Variants in HCN1 observed in about 807,000 individuals in gnomAD.
HCN1 encodes the protein hyperpolarization activated cyclic nucleotide gated potassium channel 1, also known as potassium/sodium hyperpolarization-activated cyclic nucleotide-gated channel 1.
A neutral mutation model predicts 78.9 loss-of-function variants in HCN1; 13 were observed. That is an observed-to-expected ratio of 0.16 (90% CI 0.11 to 0.26). HCN1 has a LOEUF of 0.26. Among genes scored for constraint, HCN1 ranks in the 10% least tolerant of loss-of-function variants. HCN1 has a pLI of 1.00. For missense variants in HCN1, 810 were observed against 1,154.3 expected, an observed-to-expected ratio of 0.70 and a Z score of 4.32; for synonymous variants, 552 against 455.5, an observed-to-expected ratio of 1.21 and a Z score of -2.70.
At chr5:45,536,890 G>A (rs577060773) in intron 2 of HCN1, among the ~76,000 whole-genome samples, 7 of 152,264 alleles carry the variant, frequency 4.6e-5, no homozygotes, top group Non-Finnish European at 1.0e-4. Flanking sequence ...AGGTAAAGTC[G>A]CCAATCAGTT....
At chr5:45,643,997 G>A (rs1013983018) in intron 2 of HCN1, 2 of 152,020 alleles carry the variant, frequency 1.3e-5, no homozygotes, top group South Asian at 2.1e-4. Context: ...TTTTAAGAAT[G>A]ATCCATTTTT....
chr5:45,596,797 T>C (rs1291935518), intron 2 of HCN1, among the ~76,000 whole-genome samples: 4 of 152,308 alleles, frequency 2.6e-5, no homozygotes, highest in African/African-American at 9.6e-5. Flanking sequence ...AAAGGAACAG[T>C]TGCTGACTGA....
At chr5:45,379,574 C>T (rs772201582) in intron 4 of HCN1, among the ~76,000 whole-genome samples, 3 of 152,032 alleles carry the variant, frequency 2.0e-5, no homozygotes, top group Non-Finnish European at 4.4e-5. Context: ...ACACAAGATA[C>T]TTCCTTATTT....
At chr5:45,513,138 A>C (rs1742448854) in intron 2 of HCN1, among the ~76,000 whole-genome samples, 1 of 152,142 alleles carries the variant, frequency 6.6e-6, no homozygotes, top group Non-Finnish European at 1.5e-5. Context: ...AAACCCCTAG[A>C]TTTTGGCATT....
At chr5:45,343,712 T>C (rs1163879313) in intron 5 of HCN1, among the ~76,000 whole-genome samples, 1 of 152,108 alleles carries the variant, frequency 6.6e-6, no homozygotes, top group East Asian at 1.9e-4. Context: ...TTAGAGGAAA[T>C]GAACTTTAAG....
Position 45,347,235 on chromosome 5 carries a change from C to T in HCN1, c.1377+5865G>A, listed in dbSNP as rs563309948. ...AAAATCTGCTGTTCTGCAGCCACCGCTGCTGATACCCAGGCAAACAAGGTC... is the reference window on the plus strand; with the variant it reads ...AAAATCTGCTGTTCTGCAGCCACCGTTGCTGATACCCAGGCAAACAAGGTC... On this transcript the variant is annotated intron_variant, in intron 5 of 7. Transcript: ENST00000303230. Among the ~76,000 whole-genome samples the T allele has an allele frequency of 5.9e-5, 9 of 152,328 alleles. No individual in the cohort carries two copies. In the South Asian group the frequency reaches 1.7e-3, roughly 28 times the overall value.
In HCN1 at chr5:45,567,416, G is replaced by A. The variant is rs147321738; in HGVS notation, c.849+77769C>T. ...GCAGTGAGGAATATCCATAAAAAAG[G>A]AAGGAGCTGCAGGAGTACAGAGCTG... On this transcript the variant is annotated intron_variant, in intron 2 of 7. Transcript: ENST00000303230. 7.2e-5 allele frequency among the ~76,000 whole-genome samples: 11 copies of A among 152,200 alleles called. No homozygotes were observed. The East Asian group carries it at 1.4e-3, about 19-fold the overall frequency.
At chr5:45,376,974 A>T (rs2112021071) in intron 4 of HCN1, among the ~76,000 whole-genome samples, 1 of 152,106 alleles carries the variant, frequency 6.6e-6, no homozygotes, top group African/African-American at 2.4e-5. Flanking sequence ...TGTGAGAAAA[A>T]TAGGGCATAT....
chr5:45,363,087 G>A (rs1357321434), intron 4 of HCN1, among the ~76,000 whole-genome samples: 1 of 144,384 alleles, frequency 6.9e-6, no homozygotes, highest in Non-Finnish European at 1.5e-5. Flanking sequence ...ATACATATTT[G>A]TGATCTGAAT....
At chr5:45,679,667 T>G (rs1343238212) in intron 1 of HCN1, among the ~76,000 whole-genome samples, 3 of 152,234 alleles carry the variant, frequency 2.0e-5, no homozygotes, top group Non-Finnish European at 1.5e-5. Flanking sequence ...ATGTGAGTGT[T>G]GGACTGGCTT....
chr5:45,266,438 G>T (rs924937152), intron 7 of HCN1, among the ~76,000 whole-genome samples: 1 of 152,046 alleles, frequency 6.6e-6, no homozygotes, highest in African/African-American at 2.4e-5. Context: ...ATAAAACTTA[G>T]TTTGTAATAT....
At chr5:45,558,132 A>ATT (rs1166249957) in intron 2 of HCN1, 4 of 79,188 alleles carry the variant, frequency 5.1e-5, no homozygotes, top group African/African-American at 1.5e-4. Flanking sequence ...CACAGAATTA[A>ATT]TTTAAAAAAA....
At chr5:45,397,180 C>G (rs922979931) in intron 3 of HCN1, among the ~76,000 whole-genome samples, 1 of 151,972 alleles carries the variant, frequency 6.6e-6, no homozygotes, top group African/African-American at 2.4e-5. Context: ...GCTGTATAGT[C>G]CTTACCACTA....
intron 6 of HCN1, among the ~76,000 whole-genome samples, chr5:45,269,279 T>C (rs1004439603): frequency 6.6e-6 from 1 of 152,230 alleles, no homozygotes; most frequent in African/African-American, 2.4e-5. Context: ...TTCTACACTT[T>C]AATGAATTAT....
intron 3 of HCN1, among the ~76,000 whole-genome samples, chr5:45,423,127 A>G (rs1740261820): frequency 6.6e-6 from 1 of 152,180 alleles, no homozygotes; most frequent in Admixed American, 6.5e-5. Flanking sequence ...TACATATTCT[A>G]TTCCTATATC....
At chr5:45,406,686 T>C (rs879636837) in intron 3 of HCN1, among the ~76,000 whole-genome samples, 1 of 152,152 alleles carries the variant, frequency 6.6e-6, no homozygotes, top group Non-Finnish European at 1.5e-5. Flanking sequence ...ATACATAGGA[T>C]TTTCAGGCAT....
At chr5:45,282,412 G>A (rs995282941) in intron 6 of HCN1, among the ~76,000 whole-genome samples, 1 of 152,120 alleles carries the variant, frequency 6.6e-6, no homozygotes. Context: ...TGGATTTAGG[G>A]TAAAGAAAGT....
intron 4 of HCN1, among the ~76,000 whole-genome samples, chr5:45,374,103 A>G (rs567130433): frequency 4.0e-5 from 3 of 74,468 alleles, no homozygotes; most frequent in East Asian, 7.5e-4. Flanking sequence ...TATATAATAT[A>G]TATTATATAC....
At chr5:45,315,838 C>T (rs1259779421) in intron 5 of HCN1, among the ~76,000 whole-genome samples, 3 of 152,188 alleles carry the variant, frequency 2.0e-5, no homozygotes, top group South Asian at 2.1e-4. Flanking sequence ...TTCCTGGACA[C>T]ATACACCCTC....
Sources: allele counts gnomAD v4.1 joint callset (sites outside exome capture counted in the v4.1 genomes callset), GRCh38; gene constraint gnomAD v4.1.1; transcripts MANE v1.5; gene names NCBI Gene and HGNC (gene_info 2026-07-23, HGNC 2026-07-21).